The following RAB43 variants were observed in gnomAD, a reference collection of about 807,000 sequenced individuals.
The protein encoded by RAB43 is RAB43, member RAS oncogene family, also known as ras-related protein Rab-43.
RAB43 carries 6 observed loss-of-function variants against 18.8 expected under a neutral mutation model. The observed-to-expected ratio is 0.32, with a 90% CI of 0.17 to 0.63. The LOEUF (loss-of-function observed/expected upper bound fraction) is 0.63. Among genes scored for constraint, RAB43 ranks in the 30% least tolerant of loss-of-function variants. The pLI is 0.79. For synonymous variants in RAB43, 103 were observed against 124.1 expected (o/e 0.83, Z 1.13); for missense variants, 195 against 289.1 (o/e 0.67, Z 2.36).
chr3:129,104,587 T>C (rs1409219754), intron 1 of RAB43, among the ~76,000 whole-genome samples: 1 of 152,144 alleles, frequency 6.6e-6, no homozygotes, highest in African/African-American at 2.4e-5. Flanking sequence ...AAGTTTCATA[T>C]GGGGTGGGGA....
intron 1 of RAB43, among the ~76,000 whole-genome samples, chr3:129,114,432 T>C (rs1935364373): frequency 6.6e-6 from 1 of 152,306 alleles, no homozygotes; most frequent in African/African-American, 2.4e-5. Context: ...CAAATGGGCC[T>C]TCATTTCCTC....
At chr3:129,106,299 A>C (rs1934778360) in intron 1 of RAB43, among the ~76,000 whole-genome samples, 1 of 152,232 alleles carries the variant, frequency 6.6e-6, no homozygotes, top group Non-Finnish European at 1.5e-5. Context: ...GTTAGTTCTC[A>C]GGACAAACTC....
chr3:129,106,671 AG>A (rs1381866016), intron 1 of RAB43, among the ~76,000 whole-genome samples: 1 of 152,234 alleles, frequency 6.6e-6, no homozygotes, highest in Non-Finnish European at 1.5e-5. Flanking sequence ...GGCGGCAGGC[AG>A]AGCAGACTGC....
At position 129,121,683 on chromosome 3, in the gene RAB43, C is replaced by A; in HGVS notation, c.-194G>T. 2.6e-6 allele frequency: 1 copy of A among 386,498 alleles called. No homozygotes were observed. Among genetic ancestry groups the A allele is most frequent in the South Asian group, 9.0e-5 (1 of 11,168 alleles). 23.9% of individuals were successfully genotyped at this position (386,498 alleles called of 1,614,324 possible). On this transcript the variant is annotated 5_prime_UTR_variant, in exon 1 of 3. Coordinates refer to ENST00000315150, the MANE Select transcript of RAB43 (RefSeq NM_198490.3). ...CCCGCCCCACCCCGGCTGGCTCCCG[C>A]CCCGGCCCGGCTCGGCCCCGCCCGG...
At chr3:129,109,420 A>AG (rs1441069441) in intron 1 of RAB43, among the ~76,000 whole-genome samples, 2 of 151,130 alleles carry the variant, frequency 1.3e-5, no homozygotes, top group Admixed American at 1.3e-4. Context: ...AAAAAAAAAA[A>AG]AAAAATCAAT....
Position 129,107,897 on chromosome 3 carries a change from C to T in RAB43, c.205-12728G>A, listed in dbSNP as rs936770762. ...CTCACCCTCCAAGCCACTCGGTCACCTCTTCAACTCTCTAGAGCAAACCCT... is the reference window on the plus strand; with the variant it reads ...CTCACCCTCCAAGCCACTCGGTCACTTCTTCAACTCTCTAGAGCAAACCCT... On this transcript the variant is annotated intron_variant, in intron 1 of 2. Coordinates refer to ENST00000315150, the MANE Select transcript of RAB43 (RefSeq NM_198490.3). The surrounding 1 kb of genome is among the most constrained non-coding windows in gnomAD (Gnocchi z 4.2). Among the ~76,000 whole-genome samples, 1 of 152,200 alleles carries T rather than the reference C, an allele frequency of 6.6e-6. No homozygotes were observed. Among genetic ancestry groups the T allele is most frequent in the Admixed American group, 6.5e-5 (1 of 15,280 alleles).
rs1935909168 is a variant in RAB43, at chr3:129,121,247, C to T, written c.204+39G>A. The T allele has an allele frequency of 3.2e-6, 5 of 1,539,834 alleles. No individual in the cohort carries two copies. In the South Asian group the frequency reaches 4.7e-5, roughly 15 times the overall value. On this transcript the variant is annotated intron_variant, in intron 1 of 2. Coordinates refer to ENST00000315150, the MANE Select transcript of RAB43 (RefSeq NM_198490.3). Reference sequence around the variant, plus strand: ...GCTCCGCTGCCCCCGCCCCACCCTCCGAGGGAGCGCCTTCCAGGGGCCCTG... The same window carrying T: ...GCTCCGCTGCCCCCGCCCCACCCTCTGAGGGAGCGCCTTCCAGGGGCCCTG...
intron 1 of RAB43, among the ~76,000 whole-genome samples, chr3:129,103,785 G>C (rs1425998478): frequency 6.6e-6 from 1 of 152,052 alleles, no homozygotes; most frequent in African/African-American, 2.4e-5. Flanking sequence ...GGCTGGTCTC[G>C]AACTCCTGAC....
intron 2 of RAB43, chr3:129,092,395 T>C: frequency 1.7e-6 from 1 of 586,620 alleles, no homozygotes; most frequent in Non-Finnish European, 3.1e-6. Context: ...GGTGACATGG[T>C]ACAGATGAGA....
chr3:129,100,543 TTAAAA>T, intron 1 of RAB43, among the ~76,000 whole-genome samples: 1 of 152,330 alleles, frequency 6.6e-6, no homozygotes, highest in East Asian at 1.9e-4. Context: ...TTAAGTTTGC[TTAAAA>T]TAAAAACTAA....
intron 1 of RAB43, among the ~76,000 whole-genome samples, chr3:129,120,712 G>A (rs1414169288): frequency 6.6e-6 from 1 of 152,208 alleles, no homozygotes; most frequent in Non-Finnish European, 1.5e-5. Flanking sequence ...CCCTAGTCGA[G>A]TAAAGTTCCA....
intron 1 of RAB43, among the ~76,000 whole-genome samples, chr3:129,105,455 AAAAC>A (rs1396913900): frequency 6.6e-6 from 1 of 151,724 alleles, no homozygotes; most frequent in Non-Finnish European, 1.5e-5. Context: ...TTCATCTCAA[AAAAC>A]AAACAACAAC....
In RAB43 at chr3:129,087,882, C is replaced by T. The variant is rs183970050; in HGVS notation, c.*3214G>A. The T allele has an allele frequency of 3.4e-5, 5 of 147,646 alleles. No homozygotes were observed. The highest frequency in any genetic ancestry group is 7.5e-5 in the Non-Finnish European group (5 of 66,894). The allele number at this position is 147,646 out of a possible 1,614,324, so 9.1% of individuals were successfully genotyped here. A position where few individuals can be genotyped will look rare whatever the true frequency, so the allele number is the denominator to read the frequency against. On this transcript the variant is annotated 3_prime_UTR_variant, in exon 3 of 3. Transcript: ENST00000315150. ...TAGGAACCCCTCCAGCTCCTTAAGC[C>T]AGCGTCGCACTGGCCCCACCGAGGC... is the stretch of plus-strand genomic sequence containing the variant.
intron 1 of RAB43, among the ~76,000 whole-genome samples, chr3:129,116,144 A>G (rs1403425007): frequency 6.6e-6 from 1 of 152,238 alleles, no homozygotes; most frequent in Non-Finnish European, 1.5e-5. Flanking sequence ...TGTATGTATA[A>G]GACAAAACAT....
chr3:129,118,582 T>C (rs939296436), intron 1 of RAB43, among the ~76,000 whole-genome samples: 1 of 152,190 alleles, frequency 6.6e-6, no homozygotes, highest in Non-Finnish European at 1.5e-5. Flanking sequence ...GAAGCTCTAA[T>C]AAAACCCAGC....
At chr3:129,112,637 G>A (rs1170068732) in intron 1 of RAB43, among the ~76,000 whole-genome samples, 1 of 152,208 alleles carries the variant, frequency 6.6e-6, no homozygotes, top group Non-Finnish European at 1.5e-5. Context: ...TACTCCAACA[G>A]CTGCCAGTGC....
In RAB43 at chr3:129,107,453, C is replaced by T. The variant is rs1400404001; in HGVS notation, c.205-12284G>A. Among the ~76,000 whole-genome samples, 1 of 152,100 alleles carries T rather than the reference C, an allele frequency of 6.6e-6. No homozygotes were observed. Among genetic ancestry groups the T allele is most frequent in the Non-Finnish European group, 1.5e-5 (1 of 68,030 alleles). Reference sequence around the variant, plus strand: ...CCTCGCAGGAAGCTAAGGGCATCCACGACCAGCCTGCTGCCACCCAAACAC... The same window carrying T: ...CCTCGCAGGAAGCTAAGGGCATCCATGACCAGCCTGCTGCCACCCAAACAC... On this transcript the variant is annotated intron_variant, in intron 1 of 2. Transcript: ENST00000315150. The surrounding 1 kb of genome is among the most constrained non-coding windows in gnomAD (Gnocchi z 4.2).
chr3:129,103,007 T>C (rs1290907741), intron 1 of RAB43, among the ~76,000 whole-genome samples: 2 of 152,186 alleles, frequency 1.3e-5, no homozygotes, highest in Admixed American at 6.5e-5. Context: ...TGTGGACTCC[T>C]GGGGGTCCCG....
At chr3:129,098,196 T>G (rs571839111) in intron 1 of RAB43, among the ~76,000 whole-genome samples, 1 of 152,140 alleles carries the variant, frequency 6.6e-6, no homozygotes, top group African/African-American at 2.4e-5. Context: ...GACCCGTATA[T>G]GAGCTATCAG....
Sources: gnomAD v4.1 joint callset for allele counts (sites outside exome capture counted in the v4.1 genomes callset) on GRCh38, gnomAD v4.1.1 for gene constraint, Gnocchi (gnomAD v3.1) non-coding constraint, MANE v1.5 for transcripts, NCBI Gene and HGNC (gene_info 2026-07-23, HGNC 2026-07-21) for gene names.